TAF2: variants seen among roughly 807,000 people sequenced by gnomAD.
TAF2 encodes transcription initiation factor TFIID subunit 2.
A neutral mutation model predicts 138.5 loss-of-function variants in TAF2; 61 were observed. The observed-to-expected ratio is 0.44, with a 90% CI of 0.36 to 0.54. The LOEUF is 0.54. Ranked by LOEUF, TAF2 falls within the 20% of genes least tolerant of loss-of-function variation. The probability of loss-of-function intolerance (pLI) is 0.00; values close to 1 mark genes in which losing one functional copy is unlikely to be tolerated. For synonymous variants in TAF2, 475 were observed against 469.9 expected (o/e 1.01, Z -0.14); for missense variants, 1,090 against 1,427.9 (o/e 0.76, Z 3.81).
At chr8:119,780,123 A>T (rs1050549740) in intron 17 of TAF2, among the ~76,000 whole-genome samples, 1 of 144,562 alleles carries the variant, frequency 6.9e-6, no homozygotes, top group Non-Finnish European at 1.5e-5. Flanking sequence ...TTTCTAGTTC[A>T]ATCTAGTTAA....
Position 119,801,776 on chromosome 8 carries a change from A to G in TAF2, c.792+18T>C. 1 of 1,601,834 alleles carries G rather than the reference A, an allele frequency of 6.2e-7. No individual in the cohort carries two copies. ...TAAAGGGCCAGGAGGAGAGTAAGAG[A>G]GGAAAGCTCTGACTTACCTCATGCA... On this transcript the variant is annotated intron_variant, in intron 6 of 25. Coordinates refer to ENST00000378164, the MANE Select transcript of TAF2 (RefSeq NM_003184.4).
chr8:119,752,152 A>G (rs987782891), intron 22 of TAF2, among the ~76,000 whole-genome samples: 1 of 152,218 alleles, frequency 6.6e-6, no homozygotes, highest in Non-Finnish European at 1.5e-5. Flanking sequence ...CTGAAAGTAT[A>G]TGATTATGCA....
chr8:119,741,297 A>AT (rs537363416), intron 25 of TAF2, among the ~76,000 whole-genome samples: 1 of 151,722 alleles, frequency 6.6e-6, no homozygotes, highest in African/African-American at 2.4e-5. Flanking sequence ...TTTAGAGAGA[A>AT]TTTTTTTTTA....
intron 3 of TAF2, 76 bp from the exon 4 acceptor site, chr8:119,806,477 T>TCA: frequency 1.8e-6 from 2 of 1,088,570 alleles, no homozygotes; most frequent in Non-Finnish European, 2.7e-6. Context: ...TTCTTTTTTT[T>TCA]TTTTTTTTTT....
intron 24 of TAF2, among the ~76,000 whole-genome samples, chr8:119,743,333 T>G (rs1201724400): frequency 6.6e-6 from 1 of 150,566 alleles, no homozygotes. Context: ...CACATACCTA[T>G]GTGGAACACT....
At chr8:119,745,034 T>C (rs1276074064) in intron 23 of TAF2, 1 of 456,118 alleles carries the variant, frequency 2.2e-6, no homozygotes, top group East Asian at 7.0e-5. Context: ...GGTGATCATC[T>C]TCCTGCGGCA....
chr8:119,798,937 A>G (rs1306549285), intron 6 of TAF2, among the ~76,000 whole-genome samples: 1 of 152,130 alleles, frequency 6.6e-6, no homozygotes, highest in African/African-American at 2.4e-5. Context: ...AAAAAATACT[A>G]TTCACCAAAA....
intron 2 of TAF2, among the ~76,000 whole-genome samples, chr8:119,820,014 T>C (rs1825720117): frequency 6.6e-6 from 1 of 152,002 alleles, no homozygotes; most frequent in Admixed American, 6.6e-5. Flanking sequence ...GTAGGAAAAA[T>C]CTGCTGCCAT....
intron 11 of TAF2, 21 bp from the exon 12 acceptor site, chr8:119,789,767 A>G: frequency 6.2e-7 from 1 of 1,609,432 alleles, no homozygotes; most frequent in South Asian, 1.1e-5. Context: ...AAAATCATTT[A>G]GTAAATTCAT....
chr8:119,787,675 G>A (rs1252992401), intron 14 of TAF2, among the ~76,000 whole-genome samples: 1 of 152,238 alleles, frequency 6.6e-6, no homozygotes, highest in African/African-American at 2.4e-5. Context: ...GTGGAAGACA[G>A]TGTGGCAATT....
At chr8:119,767,014 T>G (rs1821476027) in intron 18 of TAF2, 1 of 152,196 alleles carries the variant, frequency 6.6e-6, no homozygotes, top group African/African-American at 2.4e-5. Context: ...TGCATATATC[T>G]TCTGATTCTG....
intron 2 of TAF2, among the ~76,000 whole-genome samples, chr8:119,830,968 G>A (rs747230701): frequency 2.0e-5 from 3 of 152,052 alleles, no homozygotes; most frequent in Non-Finnish European, 4.4e-5. Flanking sequence ...TAAGCTGGGC[G>A]TGGTCATGCA....
chr8:119,746,978 T>C (rs762120712), intron 22 of TAF2, 44 bp from the exon 23 acceptor site: 2 of 1,568,198 alleles, frequency 1.3e-6, no homozygotes, highest in Admixed American at 1.7e-5. Flanking sequence ...TGCACATTGA[T>C]TCATACATTT....
intron 20 of TAF2, among the ~76,000 whole-genome samples, chr8:119,760,184 G>GT (rs1381610424): frequency 1.3e-5 from 2 of 151,790 alleles, no homozygotes; most frequent in Admixed American, 6.6e-5. Flanking sequence ...TTGGCCTTAT[G>GT]TTTTTTCTAT....
chr8:119,832,256 C>G (rs1240366795), intron 1 of TAF2, among the ~76,000 whole-genome samples: 2 of 151,702 alleles, frequency 1.3e-5, no homozygotes, highest in African/African-American at 4.8e-5. Context: ...GAAATACAAT[C>G]TAGTACTTAG....
At chr8:119,756,256 T>G in intron 21 of TAF2, 141 bp from the exon 22 acceptor site, 1 of 658,968 alleles carries the variant, frequency 1.5e-6, no homozygotes, top group Non-Finnish European at 2.7e-6. Context: ...TAGCTCTGTG[T>G]TTATTTAGTT....
chr8:119,779,400 T>C (rs1465085612), intron 17 of TAF2, among the ~76,000 whole-genome samples: 1 of 152,152 alleles, frequency 6.6e-6, no homozygotes, highest in African/African-American at 2.4e-5. Context: ...ACTGATTTCA[T>C]GATCCCTTCA....
intron 18 of TAF2, among the ~76,000 whole-genome samples, chr8:119,766,137 A>G (rs1486745653): frequency 6.6e-6 from 1 of 152,236 alleles, no homozygotes; most frequent in Non-Finnish European, 1.5e-5. Flanking sequence ...ACTTTATCTC[A>G]GCTAACCTAC....
intron 18 of TAF2, among the ~76,000 whole-genome samples, chr8:119,768,039 G>A (rs1057328890): frequency 3.3e-5 from 5 of 152,166 alleles, no homozygotes; most frequent in Admixed American, 6.5e-5. Context: ...ATCGGGCCAC[G>A]CATCCCACAG....
Sources: gnomAD v4.1 joint callset for allele counts (sites outside exome capture counted in the v4.1 genomes callset) on GRCh38, gnomAD v4.1.1 for gene constraint, MANE v1.5 for transcripts, NCBI Gene and HGNC (gene_info 2026-07-23, HGNC 2026-07-21) for gene names.